The following GLDC variants were observed in gnomAD, a reference collection of about 807,000 sequenced individuals.
The protein encoded by GLDC is glycine decarboxylase, also known as glycine dehydrogenase (decarboxylating), mitochondrial.
GLDC carries 104 observed loss-of-function variants against 121.3 expected under a neutral mutation model. The ratio of observed to expected loss-of-function variants is 0.86; its 90% confidence interval spans 0.73 to 1.01. GLDC has a LOEUF of 1.01. Among genes scored for constraint, GLDC ranks in the 50% least tolerant of loss-of-function variants. GLDC has a pLI of 0.00. For missense variants in GLDC, 1,429 were observed against 1,306.6 expected, an observed-to-expected ratio of 1.09 and a Z score of -1.44; for synonymous variants, 546 against 480.6, an observed-to-expected ratio of 1.14 and a Z score of -1.78.
At position 6,540,123 on chromosome 9, in the gene GLDC, A is replaced by G. The variant is rs375375700; in HGVS notation, c.2593T>C (p.Leu865=). Residue 865 remains leucine (L), a synonymous_variant, in exon 22 of 25, where the codon TTG becomes CTG. Transcript: ENST00000321612. ...ARGYVGHEFI[L]DTRPFKKSAN... ...GACTTTTTGAAGGGTCTCGTGTCCAAAATAAATTCATGACCCACATAACCT... is the reference window on the plus strand; with the variant it reads ...GACTTTTTGAAGGGTCTCGTGTCCAGAATAAATTCATGACCCACATAACCT... The G allele has an allele frequency of 6.2e-6, 10 of 1,612,152 alleles. No homozygotes were observed. The African/African-American group carries it at 1.1e-4, about 17-fold the overall frequency.
intron 2 of GLDC, among the ~76,000 whole-genome samples, chr9:6,635,406 G>C (rs1230692278): frequency 6.6e-6 from 1 of 152,106 alleles, no homozygotes; most frequent in African/African-American, 2.4e-5. Flanking sequence ...CTTTATGTAT[G>C]GGCAAATGGT....
chr9:6,602,244 C>A (rs752731514), intron 7 of GLDC, 39 bp from the exon 8 acceptor site: 1 of 1,171,498 alleles, frequency 8.5e-7, no homozygotes, highest in Non-Finnish European at 1.3e-6. Flanking sequence ...CACAGATAAT[C>A]ACAGCACTGG....
intron 15 of GLDC, among the ~76,000 whole-genome samples, chr9:6,585,773 A>T (rs1041016286): frequency 1.3e-5 from 2 of 152,242 alleles, no homozygotes; most frequent in African/African-American, 4.8e-5. Context: ...TTTTCTAAAG[A>T]TATTCTAAAA....
At chr9:6,625,285 C>A (rs755986516) in intron 2 of GLDC, among the ~76,000 whole-genome samples, 1 of 152,094 alleles carries the variant, frequency 6.6e-6, no homozygotes, top group Non-Finnish European at 1.5e-5. Flanking sequence ...CTCACTCACA[C>A]GGCCTGGCAT....
chr9:6,553,644 G>C, intron 19 of GLDC, 135 bp from the exon 20 acceptor site: 1 of 808,982 alleles, frequency 1.2e-6, no homozygotes, highest in Non-Finnish European at 2.1e-6. Flanking sequence ...TCCACCTGCT[G>C]GGAGGCAGAT....
intron 18 of GLDC, among the ~76,000 whole-genome samples, chr9:6,555,831 C>G (rs1563835619): frequency 6.6e-6 from 1 of 151,986 alleles, no homozygotes; most frequent in Non-Finnish European, 1.5e-5. Flanking sequence ...AAAGCAAACA[C>G]CAATAAGAGT....
At chr9:6,599,997 A>C (rs1818570780) in intron 8 of GLDC, among the ~76,000 whole-genome samples, 1 of 152,162 alleles carries the variant, frequency 6.6e-6, no homozygotes, top group African/African-American at 2.4e-5. Context: ...TAGACGCCAA[A>C]GCCCTGAGAC....
chr9:6,569,496 A>G (rs1160690349), intron 15 of GLDC: 1 of 152,066 alleles, frequency 6.6e-6, no homozygotes, highest in Non-Finnish European at 1.5e-5. Context: ...TACTAAAAGT[A>G]CAAAAATTAG....
At chr9:6,605,048 T>A in intron 6 of GLDC, 83 bp downstream of exon 6, 2 of 1,312,468 alleles carry the variant, frequency 1.5e-6, no homozygotes. Flanking sequence ...TTAAGGCACA[T>A]GAAAAGACAG....
At chr9:6,561,206 C>T (rs1817751344) in intron 16 of GLDC, among the ~76,000 whole-genome samples, 1 of 152,208 alleles carries the variant, frequency 6.6e-6, no homozygotes, top group African/African-American at 2.4e-5. Flanking sequence ...AACTAATACA[C>T]ATCCTGGTAC....
intron 7 of GLDC, among the ~76,000 whole-genome samples, chr9:6,603,875 G>A (rs1163917960): frequency 6.6e-6 from 1 of 151,374 alleles, no homozygotes; most frequent in Non-Finnish European, 1.5e-5. Context: ...GACTACAGGC[G>A]CCCACCACCA....
At chr9:6,575,254 G>A (rs1002028098) in intron 15 of GLDC, among the ~76,000 whole-genome samples, 1 of 151,778 alleles carries the variant, frequency 6.6e-6, no homozygotes, top group African/African-American at 2.4e-5. Context: ...TCCCATATGG[G>A]CTCCATCCCC....
intron 14 of GLDC, among the ~76,000 whole-genome samples, chr9:6,587,718 C>G (rs1342635574): frequency 6.6e-6 from 1 of 152,094 alleles, no homozygotes; most frequent in Admixed American, 6.6e-5. Context: ...AATTCCAGAA[C>G]TCTGGGAGGC....
At chr9:6,587,398 C>T (rs868738947) in intron 14 of GLDC, 115 bp from the exon 15 acceptor site, 17 of 776,026 alleles carry the variant, frequency 2.2e-5, no homozygotes, top group East Asian at 1.1e-4. Flanking sequence ...CTGTTCTAAG[C>T]GCTATACATA....
chr9:6,613,314 A>T (rs10758799), intron 3 of GLDC, among the ~76,000 whole-genome samples: 30,613 of 152,054 alleles, frequency 0.2, 3,355 homozygotes, highest in East Asian at 0.43. Context: ...TCTTTTCTAC[A>T]TCATAATCTA....
At chr9:6,560,398 CAGA>C (rs567465549) in intron 16 of GLDC, among the ~76,000 whole-genome samples, 52 of 152,364 alleles carry the variant, frequency 3.4e-4, no homozygotes, top group Middle Eastern at 3.4e-3. Context: ...CTTCTACTGT[CAGA>C]AGGTTTGTGT....
At chr9:6,587,994 G>A (rs957993374) in intron 14 of GLDC, among the ~76,000 whole-genome samples, 1 of 151,962 alleles carries the variant, frequency 6.6e-6, no homozygotes, top group Non-Finnish European at 1.5e-5. Flanking sequence ...CTGTTGACTT[G>A]AATCCCTATC....
In GLDC at chr9:6,546,495, T is replaced by C. The variant is rs369676509; in HGVS notation, c.2569+4308A>G. ...GATTGCAGGCATGAGCCACAGCACC[T>C]AGCCCCACCTCCGACATCTTGTCCT... is the stretch of plus-strand genomic sequence containing the variant. On this transcript the variant is annotated intron_variant, in intron 21 of 24. Transcript: ENST00000321612. Among the ~76,000 whole-genome samples the C allele has an allele frequency of 2.5e-3, 382 of 150,504 alleles. 2 individuals carry two copies. Among genetic ancestry groups the C allele is most frequent in the African/African-American group, 9.0e-3 (370 of 41,010 alleles).
intron 16 of GLDC, among the ~76,000 whole-genome samples, chr9:6,561,201 A>AT (rs1817751286): frequency 6.6e-6 from 1 of 152,236 alleles, no homozygotes; most frequent in Admixed American, 6.5e-5. Context: ...TAGGAAACTA[A>AT]TACACATCCT....
Sources: gnomAD v4.1 joint callset for allele counts (sites outside exome capture counted in the v4.1 genomes callset) on GRCh38, gnomAD v4.1.1 for gene constraint, MANE v1.5 for transcripts, NCBI Gene and HGNC (gene_info 2026-07-23, HGNC 2026-07-21) for gene names.